EFCAB6: variants seen among roughly 807,000 people sequenced by gnomAD.
EFCAB6 encodes EF-hand calcium-binding domain-containing protein 6.
A neutral mutation model predicts 169.8 loss-of-function variants in EFCAB6; 156 were observed. The observed-to-expected ratio is 0.92, with a 90% CI of 0.81 to 1.05. EFCAB6 has a LOEUF of 1.05. Among genes scored for constraint, EFCAB6 ranks in the 50% least tolerant of loss-of-function variants. The pLI, the probability that EFCAB6 is intolerant of heterozygous loss-of-function variation, is 0.00. For synonymous variants in EFCAB6, 698 were observed against 676.4 expected, an observed-to-expected ratio of 1.03 and a Z score of -0.50; for missense variants, 1,800 against 1,829.1, an observed-to-expected ratio of 0.98 and a Z score of 0.29.
chr22:43,802,311 C>A (rs999285731), intron 2 of EFCAB6, among the ~76,000 whole-genome samples: 1 of 152,044 alleles, frequency 6.6e-6, no homozygotes, highest in Non-Finnish European at 1.5e-5. Context: ...GGTGGATCAC[C>A]TGAGGTCAGG....
intron 13 of EFCAB6, among the ~76,000 whole-genome samples, chr22:43,674,944 A>G (rs1461819294): frequency 6.6e-6 from 1 of 152,022 alleles, no homozygotes; most frequent in Non-Finnish European, 1.5e-5. Context: ...AAGCACTGGC[A>G]GTAAACTGAG....
At chr22:43,655,143 G>C (rs1033771571) in intron 17 of EFCAB6, among the ~76,000 whole-genome samples, 14 of 152,166 alleles carry the variant, frequency 9.2e-5, no homozygotes, top group African/African-American at 3.4e-4. Flanking sequence ...TGTAATCCCA[G>C]CTACTCGGGA....
intron 11 of EFCAB6, 61 bp downstream of exon 11, chr22:43,687,410 G>A: frequency 1.0e-6 from 1 of 993,250 alleles, no homozygotes; most frequent in Non-Finnish European, 1.4e-6. Flanking sequence ...GATATTCTCT[G>A]ATATTTTACA....
In EFCAB6 at chr22:43,795,559, A is replaced by T. The variant is rs1298626106; in HGVS notation, c.-7-13234T>A. Reference sequence around the variant, plus strand: ...CCTCCTGGAACATCACTTTCTGGAGAGGCTTCTCTGACCACCCTGCATCTT... The same window carrying T: ...CCTCCTGGAACATCACTTTCTGGAGTGGCTTCTCTGACCACCCTGCATCTT... On this transcript the variant is annotated intron_variant, in intron 2 of 31. Transcript: ENST00000262726. This position sits in a 1 kb window ranked among gnomAD's most constrained non-coding sequence, Gnocchi z 4.2. 1.4e-5 allele frequency among the ~76,000 whole-genome samples: 2 copies of T among 145,540 alleles called. No individual in the cohort carries two copies. The highest frequency in any genetic ancestry group is 5.1e-5 in the African/African-American group (2 of 39,412).
chr22:43,547,575 A>G (rs1297514811), intron 27 of EFCAB6, among the ~76,000 whole-genome samples: 2 of 151,774 alleles, frequency 1.3e-5, no homozygotes, highest in African/African-American at 4.8e-5. Context: ...CTCAGTCTCT[A>G]CAAAAAACCA....
intron 26 of EFCAB6, among the ~76,000 whole-genome samples, chr22:43,565,701 T>A (rs1277945816): frequency 6.6e-6 from 1 of 152,206 alleles, no homozygotes; most frequent in Non-Finnish European, 1.5e-5. Flanking sequence ...TACTAAGTTT[T>A]GTTCTGAATA....
chr22:43,766,400 C>T (rs976256327), intron 4 of EFCAB6, among the ~76,000 whole-genome samples: 1 of 152,122 alleles, frequency 6.6e-6, no homozygotes, highest in African/African-American at 2.4e-5. Context: ...CATACACATA[C>T]ACACAGATAA....
At chr22:43,808,686 T>C (rs2063003805) in intron 2 of EFCAB6, among the ~76,000 whole-genome samples, 1 of 152,066 alleles carries the variant, frequency 6.6e-6, no homozygotes, top group African/African-American at 2.4e-5. Context: ...AAAACAGCTA[T>C]ATGGTTATAG....
At chr22:43,781,019 T>C (rs774302390) in intron 3 of EFCAB6, among the ~76,000 whole-genome samples, 2 of 152,212 alleles carry the variant, frequency 1.3e-5, no homozygotes, top group Non-Finnish European at 2.9e-5. Context: ...CTCTCTAGAC[T>C]GTGAGCTTGT....
At chr22:43,747,332 C>G (rs1355111404) in intron 6 of EFCAB6, among the ~76,000 whole-genome samples, 2 of 152,230 alleles carry the variant, frequency 1.3e-5, no homozygotes, top group Non-Finnish European at 2.9e-5. Context: ...GCAGCCTCCT[C>G]TGAGCCTTCA....
chr22:43,695,982 A>C (rs2058563044), intron 10 of EFCAB6, among the ~76,000 whole-genome samples: 1 of 152,092 alleles, frequency 6.6e-6, no homozygotes, highest in Non-Finnish European at 1.5e-5. Flanking sequence ...AAAATTAAAA[A>C]TGTTTATATT....
rs571231594 is a variant in EFCAB6 at position 43,762,762 on chromosome 22, GA to G, written c.440+2542del. ...TTTATTAGACAAGTTTCACAATAAG[GA>G]AAAAAAGGCTCTCCTGCTTTCAGTT... On this transcript the variant is annotated intron_variant, in intron 5 of 31. Coordinates refer to ENST00000262726, the MANE Select transcript of EFCAB6 (RefSeq NM_022785.4). Among the ~76,000 whole-genome samples, 5 of 152,052 alleles carry G rather than the reference GA, an allele frequency of 3.3e-5. No homozygotes were observed. The East Asian group carries it at 5.8e-4, about 18-fold the overall frequency.
chr22:43,711,585 A>G lies in EFCAB6; in HGVS notation c.921T>C (p.Ser307=), dbSNP rs778002571. Residue 307 remains serine, a synonymous_variant, in exon 10 of 32, where the codon AGT becomes AGC. Coordinates refer to ENST00000262726, the MANE Select transcript of EFCAB6 (RefSeq NM_022785.4). ...AGCCACCTTTACAGGGGTCCCCTGC[A>G]CTGAGGGCCTTTTCAACCTTTTCAT... ...KSYEKVEKAL[S]AGDPCKGGYV... 1.3e-6 allele frequency: 2 copies of G among 1,593,600 alleles called. No individual in the cohort carries two copies. Among genetic ancestry groups the G allele is most frequent in the Admixed American group, 1.9e-5 (1 of 53,012 alleles).
chr22:43,799,017 T>C (rs1241520386), intron 2 of EFCAB6, among the ~76,000 whole-genome samples: 2 of 152,132 alleles, frequency 1.3e-5, no homozygotes, highest in Admixed American at 6.5e-5. Flanking sequence ...ATTATGGTAC[T>C]CCCTTGATAA....
intron 17 of EFCAB6, among the ~76,000 whole-genome samples, chr22:43,665,312 T>C (rs1330345617): frequency 6.6e-6 from 1 of 152,102 alleles, no homozygotes; most frequent in Non-Finnish European, 1.5e-5. Context: ...CCCAAAGTTG[T>C]TCTCAGGTGA....
intron 17 of EFCAB6, among the ~76,000 whole-genome samples, chr22:43,647,322 T>C (rs1025120505): frequency 2.6e-5 from 4 of 152,078 alleles, no homozygotes; most frequent in Admixed American, 2.6e-4. Context: ...TGGCAAAATA[T>C]GGAACTATAA....
At chr22:43,621,417 T>A (rs977738180) in intron 20 of EFCAB6, among the ~76,000 whole-genome samples, 6 of 152,068 alleles carry the variant, frequency 3.9e-5, no homozygotes, top group African/African-American at 1.4e-4. Context: ...ATGATGCAAA[T>A]ATTTTGAAAT....
chr22:43,737,188 C>G lies in EFCAB6; in HGVS notation c.508-1195G>C, dbSNP rs544651230. The stretch of plus-strand genomic sequence containing the variant: ...AGAGAATGGGCACACCTCCCTGGCT[C>G]TCCTAACTTGAGACCATTAACTCCA... On this transcript the variant is annotated intron_variant, in intron 6 of 31. Transcript: ENST00000262726. Among the ~76,000 whole-genome samples, 3 of 152,232 alleles carry G rather than the reference C, an allele frequency of 2.0e-5. No homozygotes were observed. In the South Asian group the frequency reaches 6.2e-4, roughly 32 times the overall value.
intron 20 of EFCAB6, among the ~76,000 whole-genome samples, chr22:43,622,537 G>A (rs961473570): frequency 2.6e-5 from 4 of 152,192 alleles, no homozygotes; most frequent in African/African-American, 9.7e-5. Context: ...TTGCACTCCA[G>A]CCCGGGTGAC....
Sources: allele counts gnomAD v4.1 joint callset (sites outside exome capture counted in the v4.1 genomes callset), GRCh38; gene constraint gnomAD v4.1.1; non-coding constraint Gnocchi (gnomAD v3.1); transcripts MANE v1.5; gene names NCBI Gene and HGNC (gene_info 2026-07-23, HGNC 2026-07-21).